CRYBG1: variants seen among roughly 807,000 people sequenced by gnomAD.
CRYBG1 encodes the protein crystallin beta-gamma domain containing 1, also known as beta/gamma crystallin domain-containing protein 1.
A neutral mutation model predicts 189.2 loss-of-function variants in CRYBG1; 139 were observed. That is an observed-to-expected ratio of 0.73 (90% CI 0.64 to 0.85). The LOEUF is 0.85. Ranked by LOEUF, CRYBG1 falls within the 40% of genes least tolerant of loss-of-function variation. CRYBG1 has a pLI of 0.00. For missense variants in CRYBG1, 2,611 were observed against 2,675.8 expected (o/e 0.98, Z 0.53); for synonymous variants, 1,023 against 1,017.1 (o/e 1.01, Z -0.11).
chr6:106,425,920 G>T (rs2114396171), intron 1 of CRYBG1, among the ~76,000 whole-genome samples: 1 of 152,244 alleles, frequency 6.6e-6, no homozygotes, highest in East Asian at 1.9e-4. Flanking sequence ...TTACAGGTGT[G>T]AGCCACCGCT....
chr6:106,403,187 A>G (rs1201045374), intron 1 of CRYBG1, among the ~76,000 whole-genome samples: 1 of 152,110 alleles, frequency 6.6e-6, no homozygotes, highest in Non-Finnish European at 1.5e-5. Flanking sequence ...AAACAAACAA[A>G]CAAACTGGGC....
chr6:106,402,336 C>T (rs1443300160), intron 1 of CRYBG1, among the ~76,000 whole-genome samples: 1 of 59,534 alleles, frequency 1.7e-5, no homozygotes, highest in Non-Finnish European at 3.2e-5. Flanking sequence ...GCCCGCATCA[C>T]CAAGTCAATC....
intron 1 of CRYBG1, among the ~76,000 whole-genome samples, chr6:106,449,173 T>C (rs188146667): frequency 8.5e-4 from 129 of 152,312 alleles, no homozygotes; most frequent in African/African-American, 3.1e-3. Flanking sequence ...ATGTAATACG[T>C]AAGTATCTAG....
chr6:106,457,854 C>G (rs1330441782), intron 2 of CRYBG1, among the ~76,000 whole-genome samples: 1 of 152,046 alleles, frequency 6.6e-6, no homozygotes, highest in Non-Finnish European at 1.5e-5. Context: ...GTCAAATACA[C>G]TTAGGGGAAA....
intron 1 of CRYBG1, among the ~76,000 whole-genome samples, chr6:106,450,558 C>A (rs903276487): frequency 1.3e-5 from 2 of 152,190 alleles, no homozygotes; most frequent in African/African-American, 4.8e-5. Flanking sequence ...AAGGAACACC[C>A]AAGTCAAAAT....
chr6:106,387,860 T>G (rs1481404949), intron 1 of CRYBG1, among the ~76,000 whole-genome samples: 6 of 152,232 alleles, frequency 3.9e-5, no homozygotes, highest in Non-Finnish European at 8.8e-5. Context: ...TTCCTATGTA[T>G]TATCATCCAT....
chr6:106,505,060 C>T (rs998945926), intron 2 of CRYBG1, among the ~76,000 whole-genome samples: 33 of 151,002 alleles, frequency 2.2e-4, no homozygotes, highest in Admixed American at 6.6e-4. Context: ...AGTGATCCTC[C>T]GGCACAGGAC....
intron 1 of CRYBG1, among the ~76,000 whole-genome samples, chr6:106,411,962 G>A (rs56265466): frequency 6.6e-6 from 1 of 152,164 alleles, no homozygotes; most frequent in African/African-American, 2.4e-5. Flanking sequence ...TGTTCTAGCC[G>A]GACTGGCAGC....
chr6:106,441,597 A>G (rs1256945254), intron 1 of CRYBG1, among the ~76,000 whole-genome samples: 1 of 152,208 alleles, frequency 6.6e-6, no homozygotes, highest in Non-Finnish European at 1.5e-5. Flanking sequence ...CTAATTCATT[A>G]GGTATTTGAT....
chr6:106,370,540 A>G (rs1203870167), intron 1 of CRYBG1, among the ~76,000 whole-genome samples: 1 of 152,208 alleles, frequency 6.6e-6, no homozygotes, highest in Non-Finnish European at 1.5e-5. Flanking sequence ...CTGGCAATGA[A>G]TACAGGTTCC....
chr6:106,555,989 TAA>T, intron 17 of CRYBG1, 92 bp downstream of exon 17: 1 of 1,420,150 alleles, frequency 7.0e-7, no homozygotes, highest in South Asian at 1.2e-5. Context: ...AACCTGCTCT[TAA>T]AGTTAGTTAA....
intron 8 of CRYBG1, 84 bp from the exon 9 acceptor site, chr6:106,539,319 C>G (rs1774076590): frequency 2.7e-6 from 4 of 1,505,240 alleles, no homozygotes; most frequent in Admixed American, 3.9e-5. Flanking sequence ...TTCTTTTCCT[C>G]TCATCCTGGG....
chr6:106,411,723 A>G (rs1770930048), intron 1 of CRYBG1, among the ~76,000 whole-genome samples: 1 of 152,134 alleles, frequency 6.6e-6, no homozygotes, highest in South Asian at 2.1e-4. Flanking sequence ...GCTCCGTCCA[A>G]TCTGAAACCC....
chr6:106,470,218 G>C (rs1233697083), intron 2 of CRYBG1, among the ~76,000 whole-genome samples: 1 of 152,118 alleles, frequency 6.6e-6, no homozygotes, highest in African/African-American at 2.4e-5. Context: ...CAACACTTTG[G>C]GAGGCTGAGG....
chr6:106,446,914 GC>G lies in CRYBG1; in HGVS notation c.174-4779del, dbSNP rs574029986. ...ACCAACTTAATCTCCAGGGAGAGGG[GC>G]AATCTGGTTTTTTAAAGTAAGCCAA... On this transcript the variant is annotated intron_variant, in intron 1 of 21. Transcript: ENST00000633556. Among the ~76,000 whole-genome samples the G allele has an allele frequency of 3.1e-4, 47 of 152,292 alleles. 1 individual carries two copies. In the South Asian group the frequency reaches 9.1e-3, roughly 30 times the overall value.
intron 1 of CRYBG1, among the ~76,000 whole-genome samples, chr6:106,435,727 C>T (rs1043432347): frequency 5.9e-5 from 9 of 152,108 alleles, no homozygotes; most frequent in Non-Finnish European, 1.3e-4. Context: ...CTCAGTCTGC[C>T]ACCATGCCCA....
intron 2 of CRYBG1, among the ~76,000 whole-genome samples, chr6:106,503,603 G>A (rs986563827): frequency 2.0e-5 from 3 of 152,126 alleles, no homozygotes; most frequent in Admixed American, 1.3e-4. Context: ...TTTAAGGTGC[G>A]GAGAAAATTC....
intron 1 of CRYBG1, among the ~76,000 whole-genome samples, chr6:106,373,819 C>A (rs1024949266): frequency 2.0e-5 from 3 of 152,162 alleles, no homozygotes; most frequent in African/African-American, 7.2e-5. Flanking sequence ...CAAAGTACAA[C>A]TGGAAATTTG....
At chr6:106,484,966 G>A (rs892630142) in intron 2 of CRYBG1, among the ~76,000 whole-genome samples, 2 of 152,116 alleles carry the variant, frequency 1.3e-5, no homozygotes, top group African/African-American at 4.8e-5. Flanking sequence ...ACCCCAGCCT[G>A]GGCAAAAGAG....
Sources: allele counts gnomAD v4.1 joint callset (sites outside exome capture counted in the v4.1 genomes callset), GRCh38; gene constraint gnomAD v4.1.1; transcripts MANE v1.5; gene names NCBI Gene and HGNC (gene_info 2026-07-23, HGNC 2026-07-21).